The following FRAS1 variants were observed in gnomAD, a reference collection of about 807,000 sequenced individuals.
The protein encoded by FRAS1 is Fraser extracellular matrix complex subunit 1, also known as extracellular matrix organizing protein FRAS1.
Under a neutral mutation model 435.2 loss-of-function variants are expected in FRAS1, and 290 were observed. The observed-to-expected ratio is 0.67, with a 90% CI of 0.61 to 0.73. FRAS1 has a LOEUF of 0.73. Ranked by LOEUF, FRAS1 falls within the 30% of genes least tolerant of loss-of-function variation. The probability of loss-of-function intolerance (pLI) is 0.00; values close to 1 mark genes in which losing one functional copy is unlikely to be tolerated. For missense variants in FRAS1, 4,860 were observed against 5,001.5 expected, an observed-to-expected ratio of 0.97 and a Z score of 0.85; for synonymous variants, 1,800 against 1,851.0, an observed-to-expected ratio of 0.97 and a Z score of 0.71.
At chr4:78,298,741 T>G (rs1728261616) in intron 14 of FRAS1, among the ~76,000 whole-genome samples, 1 of 152,164 alleles carries the variant, frequency 6.6e-6, no homozygotes. Context: ...CATAACCCAT[T>G]TTAAAAATCT....
intron 72 of FRAS1, among the ~76,000 whole-genome samples, chr4:78,538,438 G>T (rs931670281): frequency 3.9e-5 from 6 of 152,138 alleles, no homozygotes; most frequent in Admixed American, 3.9e-4. Context: ...ATGTCCTTTT[G>T]AAAAGGACAG....
At chr4:78,275,429 G>A (rs1032515796) in intron 9 of FRAS1, among the ~76,000 whole-genome samples, 1 of 152,132 alleles carries the variant, frequency 6.6e-6, no homozygotes, top group South Asian at 2.1e-4. Flanking sequence ...TTACAATTTG[G>A]CATGTTTTTG....
intron 2 of FRAS1, among the ~76,000 whole-genome samples, chr4:78,225,836 C>T (rs895864316): frequency 6.6e-6 from 1 of 152,102 alleles, no homozygotes; most frequent in Non-Finnish European, 1.5e-5. Flanking sequence ...GTTATTGGAT[C>T]CACTGCTTTG....
intron 2 of FRAS1, among the ~76,000 whole-genome samples, chr4:78,135,266 T>C (rs538406283): frequency 6.6e-6 from 1 of 152,188 alleles, no homozygotes; most frequent in South Asian, 2.1e-4. Context: ...TTTTTCTCCT[T>C]TTAATTTTCT....
At chr4:78,284,746 G>T (rs1303703016) in intron 13 of FRAS1, among the ~76,000 whole-genome samples, 198 bp downstream of exon 13, 11 of 152,288 alleles carry the variant, frequency 7.2e-5, no homozygotes, top group Middle Eastern at 3.4e-3. Context: ...CTACCTGCAG[G>T]TCTTTTTTTC....
chr4:78,501,534 A>G (rs1456061085), intron 61 of FRAS1, among the ~76,000 whole-genome samples: 1 of 152,176 alleles, frequency 6.6e-6, no homozygotes, highest in East Asian at 1.9e-4. Context: ...TCCTTGAGGA[A>G]TTGCCACACT....
intron 14 of FRAS1, among the ~76,000 whole-genome samples, chr4:78,304,289 T>C (rs1183850234): frequency 1.3e-5 from 2 of 152,238 alleles, no homozygotes; most frequent in Non-Finnish European, 2.9e-5. Context: ...TGCATCAATG[T>C]TCATCAAGGA....
chr4:78,190,561 C>T (rs1023134499), intron 2 of FRAS1, among the ~76,000 whole-genome samples: 3 of 151,518 alleles, frequency 2.0e-5, no homozygotes, highest in Non-Finnish European at 4.4e-5. Flanking sequence ...CTCCTTCTCT[C>T]CCTTCTTTCC....
intron 45 of FRAS1, 96 bp downstream of exon 45, chr4:78,450,435 G>A: frequency 5.2e-6 from 5 of 967,316 alleles, no homozygotes; most frequent in Non-Finnish European, 5.0e-6. Context: ...GCAATAAACT[G>A]TGCACTCTTT....
chr4:78,149,188 G>A (rs1720543135), intron 2 of FRAS1, among the ~76,000 whole-genome samples: 1 of 152,102 alleles, frequency 6.6e-6, no homozygotes, highest in African/African-American at 2.4e-5. Context: ...AGAGTGAAAG[G>A]CCCACAGTGA....
intron 19 of FRAS1, among the ~76,000 whole-genome samples, chr4:78,333,876 G>GC (rs1380503720): frequency 6.6e-6 from 1 of 152,142 alleles, no homozygotes; most frequent in Admixed American, 6.5e-5. Context: ...ACAGCTCACT[G>GC]CAACCTCACC....
intron 2 of FRAS1, among the ~76,000 whole-genome samples, chr4:78,202,158 T>C (rs1295871072): frequency 2.0e-5 from 3 of 152,230 alleles, no homozygotes; most frequent in African/African-American, 7.2e-5. Flanking sequence ...ATGTCAATAG[T>C]GTCATGGTAG....
intron 2 of FRAS1, among the ~76,000 whole-genome samples, chr4:78,082,082 A>G (rs1322051409): frequency 6.6e-6 from 1 of 152,142 alleles, no homozygotes; most frequent in East Asian, 1.9e-4. Context: ...CATGAGTTGC[A>G]ATGTCTGTAA....
chr4:78,506,553 G>A (rs747038949), intron 61 of FRAS1, among the ~76,000 whole-genome samples: 8 of 152,194 alleles, frequency 5.3e-5, no homozygotes, highest in Non-Finnish European at 1.0e-4. Flanking sequence ...GGAACCCCCC[G>A]AGTCAGGCAT....
intron 2 of FRAS1, among the ~76,000 whole-genome samples, chr4:78,220,105 C>T (rs189728844): frequency 1.3e-5 from 2 of 152,260 alleles, no homozygotes; most frequent in Admixed American, 1.3e-4. Flanking sequence ...TTTATCATCT[C>T]CAAATTGACC....
intron 2 of FRAS1, 81 bp downstream of exon 2, chr4:78,066,097 C>A (rs1578101329): frequency 2.1e-6 from 2 of 930,756 alleles, no homozygotes; most frequent in East Asian, 2.4e-5. Flanking sequence ...GTGAGTTGAC[C>A]CTATCATTGT....
At chr4:78,478,189 A>T in intron 55 of FRAS1, 128 bp downstream of exon 55, 1 of 1,068,628 alleles carries the variant, frequency 9.4e-7, no homozygotes, top group Admixed American at 2.9e-5. Flanking sequence ...TTATTAACTC[A>T]TTTGGTTCCC....
chr4:78,422,078 T>C (rs1156645791), intron 34 of FRAS1, 78 bp downstream of exon 34: 2 of 1,463,640 alleles, frequency 1.4e-6, no homozygotes, highest in Non-Finnish European at 1.8e-6. Flanking sequence ...TAACTCTCCC[T>C]GCAGTCCTCT....
chr4:78,129,708 C>T (rs1719587382), intron 2 of FRAS1, among the ~76,000 whole-genome samples: 1 of 152,098 alleles, frequency 6.6e-6, no homozygotes, highest in African/African-American at 2.4e-5. Context: ...GTATTTTCAA[C>T]CAATATGATC....
Sources: allele counts gnomAD v4.1 joint callset (sites outside exome capture counted in the v4.1 genomes callset), GRCh38; gene constraint gnomAD v4.1.1; transcripts MANE v1.5; gene names NCBI Gene and HGNC (gene_info 2026-07-23, HGNC 2026-07-21).